The following PARK7 variants were observed in gnomAD, a reference collection of about 807,000 sequenced individuals.
PARK7 encodes the protein Parkinson disease protein 7.
A neutral mutation model predicts 20.5 loss-of-function variants in PARK7; 14 were observed. The ratio of observed to expected loss-of-function variants is 0.68; its 90% CI spans 0.45 to 1.07. The LOEUF is 1.07. Ranked by LOEUF, PARK7 falls within the 50% of genes least tolerant of loss-of-function variation. The pLI is 0.00. For missense variants in PARK7, 234 were observed against 238.1 expected, an observed-to-expected ratio of 0.98 and a Z score of 0.11; for synonymous variants, 98 against 84.3, an observed-to-expected ratio of 1.16 and a Z score of -0.89.
intron 2 of PARK7, among the ~76,000 whole-genome samples, chr1:7,963,666 T>C (rs161817): frequency 0.28 from 41,897 of 151,784 alleles, 7,659 homozygotes; most frequent in Non-Finnish European, 0.41. Flanking sequence ...GGAGCCACCA[T>C]GCCCGGCCCC....
chr1:7,963,671 G>A (rs1233961657), intron 2 of PARK7, among the ~76,000 whole-genome samples: 5 of 151,974 alleles, frequency 3.3e-5, no homozygotes, highest in South Asian at 2.1e-4. Flanking sequence ...CACCATGCCC[G>A]GCCCCTCAGA....
chr1:7,966,170 C>T lies in PARK7; in HGVS notation c.192+745C>T, dbSNP rs569179247. On this transcript the variant is annotated intron_variant, in intron 3 of 6. Coordinates refer to ENST00000338639, the MANE Select transcript of PARK7 (RefSeq NM_007262.5). Reference sequence around the variant, plus strand: ...AGCGTGACAGGAGTGTGGACTGTACCCTCTGACAGCAGGGTCATGGCAGGA... The same window carrying T: ...AGCGTGACAGGAGTGTGGACTGTACTCTCTGACAGCAGGGTCATGGCAGGA... Among the ~76,000 whole-genome samples the T allele has an allele frequency of 3.3e-5, 5 of 152,152 alleles. No individual in the cohort carries two copies. The South Asian group carries it at 1.0e-3, about 32-fold the overall frequency.
At chr1:7,963,310 C>T (rs930960378) in intron 2 of PARK7, among the ~76,000 whole-genome samples, 9 of 152,126 alleles carry the variant, frequency 5.9e-5, no homozygotes, top group African/African-American at 1.7e-4. Context: ...GTTGTCCACC[C>T]GCCTCAGGCC....
chr1:7,962,386 C>G (rs1044286389), intron 1 of PARK7, among the ~76,000 whole-genome samples: 5 of 150,426 alleles, frequency 3.3e-5, no homozygotes, highest in Non-Finnish European at 5.9e-5. Context: ...AGTCGTTTCT[C>G]TGAAACAGTG....
intron 5 of PARK7, chr1:7,971,260 A>G (rs1640459800): frequency 3.2e-5 from 14 of 439,364 alleles, no homozygotes; most frequent in South Asian, 2.7e-4. Context: ...TGTTACAGCA[A>G]GTCTCTGTGC....
At chr1:7,973,784 TGTC>T (rs1640513008) in intron 5 of PARK7, among the ~76,000 whole-genome samples, 1 of 151,952 alleles carries the variant, frequency 6.6e-6, no homozygotes, top group South Asian at 2.1e-4. Flanking sequence ...GGCGCATGCC[TGTC>T]GTCCTAGCTA....
At chr1:7,967,603 C>T (rs1469156810) in intron 3 of PARK7, among the ~76,000 whole-genome samples, 8 of 152,062 alleles carry the variant, frequency 5.3e-5, no homozygotes, top group African/African-American at 9.7e-5. Context: ...TTTGAATCAA[C>T]GGTAGGATGT....
intron 2 of PARK7, among the ~76,000 whole-genome samples, chr1:7,965,086 C>A (rs2151428541): frequency 6.6e-6 from 1 of 152,170 alleles, no homozygotes; most frequent in Admixed American, 6.5e-5. Flanking sequence ...GCTGTGTAAA[C>A]GTTACTCTAG....
intron 5 of PARK7, among the ~76,000 whole-genome samples, chr1:7,974,540 A>G (rs1345787878): frequency 6.6e-6 from 1 of 151,846 alleles, no homozygotes; most frequent in African/African-American, 2.4e-5. Flanking sequence ...GAGGCAGGAG[A>G]ATGGTGTGAA....
intron 5 of PARK7, among the ~76,000 whole-genome samples, chr1:7,975,133 C>T (rs1424257092): frequency 6.6e-6 from 1 of 152,042 alleles, no homozygotes; most frequent in Non-Finnish European, 1.5e-5. Context: ...GGATTACAGG[C>T]GTGAGCCACC....
intron 6 of PARK7, among the ~76,000 whole-genome samples, chr1:7,978,943 A>G (rs2151437291): frequency 6.6e-6 from 1 of 152,092 alleles, no homozygotes; most frequent in East Asian, 1.9e-4. Flanking sequence ...GATCTACTAA[A>G]TGTATTGTTC....
chr1:7,979,426 C>G (rs1640664508), intron 6 of PARK7, among the ~76,000 whole-genome samples: 1 of 152,152 alleles, frequency 6.6e-6, no homozygotes, highest in South Asian at 2.1e-4. Flanking sequence ...TGAGGGTTCT[C>G]TCTTGCTGTT....
intron 5 of PARK7, chr1:7,971,176 T>C: frequency 1.6e-6 from 1 of 620,758 alleles, no homozygotes; most frequent in Admixed American, 2.5e-5. Context: ...GTCTACATGC[T>C]GTGAAACTTA....
intron 1 of PARK7, 93 bp from the exon 2 acceptor site, chr1:7,962,670 T>C (rs560308464): frequency 1.3e-5 from 10 of 765,396 alleles, no homozygotes; most frequent in Middle Eastern, 3.7e-4. Context: ...AAGTACTTAC[T>C]CTGCTTGAAA....
intron 3 of PARK7, among the ~76,000 whole-genome samples, chr1:7,965,703 C>T (rs1035693214): frequency 8.5e-5 from 13 of 152,158 alleles, no homozygotes; most frequent in Non-Finnish European, 1.9e-4. Flanking sequence ...AGATGGATGG[C>T]TGCATTGTTT....
chr1:7,969,627 C>T (rs547065124), intron 4 of PARK7, among the ~76,000 whole-genome samples: 3 of 151,840 alleles, frequency 2.0e-5, no homozygotes, highest in Admixed American at 1.3e-4. Context: ...GTGGCCCAGG[C>T]TGGAGTGCAG....
At chr1:7,981,419 A>G (rs1640706265) in intron 6 of PARK7, among the ~76,000 whole-genome samples, 1 of 152,126 alleles carries the variant, frequency 6.6e-6, no homozygotes, top group African/African-American at 2.4e-5. Context: ...TGGGATTTGA[A>G]CCCAGAACTC....
chr1:7,971,547 T>A (rs1397010428), intron 5 of PARK7: 1 of 156,208 alleles, frequency 6.4e-6, no homozygotes, highest in Non-Finnish European at 1.4e-5. Flanking sequence ...TCCATTCTTG[T>A]TGCTTTCCTA....
Position 7,985,232 on chromosome 1 carries a change from T to A in PARK7, c.*178T>A. ...GATTTCTCAGCCTACAAATTGTGTC[T>A]ATACATTTCTAAGCCTTGTTTGCAG... On this transcript the variant is annotated 3_prime_UTR_variant, in exon 7 of 7. Coordinates refer to ENST00000338639, the MANE Select transcript of PARK7 (RefSeq NM_007262.5). 1.2e-6 allele frequency: 1 copy of A among 810,150 alleles called. No individual in the cohort carries two copies. The highest frequency in any genetic ancestry group is 2.0e-6 in the Non-Finnish European group (1 of 505,120). 50.2% of individuals were successfully genotyped at this position (810,150 alleles called of 1,614,324 possible).
Sources: allele counts gnomAD v4.1 joint callset (sites outside exome capture counted in the v4.1 genomes callset), GRCh38; gene constraint gnomAD v4.1.1; transcripts MANE v1.5; gene names NCBI Gene and HGNC (gene_info 2026-07-23, HGNC 2026-07-21).